GRIK4: variants seen among roughly 807,000 people sequenced by gnomAD.
GRIK4 encodes the protein glutamate ionotropic receptor kainate type subunit 4, also known as glutamate receptor ionotropic, kainate 4.
GRIK4 carries 40 observed loss-of-function variants against 104.9 expected under a neutral mutation model. That is an observed-to-expected ratio of 0.38 (90% CI 0.30 to 0.50). GRIK4 has a LOEUF of 0.50. Among genes scored for constraint, GRIK4 ranks in the 20% least tolerant of loss-of-function variants. GRIK4 has a pLI of 0.93. For missense variants in GRIK4, 1,047 were observed against 1,308.1 expected (o/e 0.80, Z 3.08); for synonymous variants, 485 against 524.9 (o/e 0.92, Z 1.04).
rs959987975 is a variant in GRIK4 at position 120,903,764 on chromosome 11, C to T, written c.1273-1526C>T. Among the ~76,000 whole-genome samples the T allele has an allele frequency of 1.3e-5, 2 of 152,170 alleles. No homozygotes were observed. The highest frequency in any genetic ancestry group is 6.5e-5 in the Admixed American group (1 of 15,280). On this transcript the variant is annotated intron_variant, in intron 12 of 20. Coordinates refer to ENST00000527524, the MANE Select transcript of GRIK4 (RefSeq NM_014619.5). The surrounding 1 kb of genome is among the most constrained non-coding windows in gnomAD (Gnocchi z 4.4). ...CCTCTCTGTGCCTGCCGCCTTGCCT[C>T]CCTTAGCTCCTAACCTGTCAAAATG...
At chr11:120,676,056 T>C (rs1950094421) in intron 3 of GRIK4, among the ~76,000 whole-genome samples, 1 of 152,188 alleles carries the variant, frequency 6.6e-6, no homozygotes, top group East Asian at 1.9e-4. Context: ...GATGGAATTA[T>C]TTCCTTGTGG....
chr11:120,637,053 G>A, intron 1 of GRIK4, among the ~76,000 whole-genome samples: 1 of 152,144 alleles, frequency 6.6e-6, no homozygotes, highest in Non-Finnish European at 1.5e-5. Context: ...CCCAGACGTA[G>A]GCATTTGATG....
chr11:120,759,048 G>C lies in GRIK4; in HGVS notation c.83-43645G>C, dbSNP rs1160504216. Among the ~76,000 whole-genome samples the C allele has an allele frequency of 2.0e-5, 3 of 152,214 alleles. No individual in the cohort carries two copies. In the South Asian group the frequency reaches 6.2e-4, roughly 32 times the overall value. ...GAGAGAGTCAAGGGTACTGTGGACA[G>C]GGATGGTGCATAGCACAGGGATATT... is the stretch of plus-strand genomic sequence containing the variant. On this transcript the variant is annotated intron_variant, in intron 3 of 20. Transcript: ENST00000527524.
At chr11:120,726,516 G>A (rs554732683) in intron 3 of GRIK4, among the ~76,000 whole-genome samples, 7 of 152,284 alleles carry the variant, frequency 4.6e-5, no homozygotes, top group East Asian at 3.9e-4. Flanking sequence ...CATTAATCAC[G>A]TCCATTGGCC....
At chr11:120,588,958 T>C (rs192983423) in intron 1 of GRIK4, among the ~76,000 whole-genome samples, 14 of 152,300 alleles carry the variant, frequency 9.2e-5, no homozygotes, top group Non-Finnish European at 1.8e-4. Flanking sequence ...GCCTTGGCTT[T>C]CAGGTCAAGA....
In GRIK4 at chr11:120,986,057, G is replaced by T; in HGVS notation, c.2668G>T (p.Gly890Trp). 1 of 1,521,772 alleles carries T rather than the reference G, an allele frequency of 6.6e-7. No homozygotes were observed. Among genetic ancestry groups the T allele is most frequent in the Non-Finnish European group, 8.8e-7 (1 of 1,137,642 alleles). 94.3% of individuals were successfully genotyped at this position (1,521,772 alleles called of 1,614,324 possible). Residue 890 changes from glycine to tryptophan, a missense_variant, in exon 21 of 21, where the codon GGG becomes TGG. Physicochemically the swap from Gly to Trp is radical, Grantham distance 184. Coordinates refer to ENST00000527524, the MANE Select transcript of GRIK4 (RefSeq NM_014619.5). Reference sequence around the variant, plus strand: ...GCGGGGCACGGCGACGCTCAGCAACGGGAAGCTGTGCGGGGCAGGGGAGCC... The same window carrying T: ...GCGGGGCACGGCGACGCTCAGCAACTGGAAGCTGTGCGGGGCAGGGGAGCC... The part of the protein sequence containing the change: ...RPRGTATLSN[G>W]KLCGAGEPDQ...
At chr11:120,568,844 G>T (rs1248860609) in intron 1 of GRIK4, among the ~76,000 whole-genome samples, 1 of 152,170 alleles carries the variant, frequency 6.6e-6, no homozygotes, top group Non-Finnish European at 1.5e-5. Flanking sequence ...GAGAGGAAAT[G>T]AGCAAAGCCC....
At chr11:120,909,580 G>C (rs770260345) in intron 13 of GRIK4, among the ~76,000 whole-genome samples, 1 of 152,188 alleles carries the variant, frequency 6.6e-6, no homozygotes, top group African/African-American at 2.4e-5. Flanking sequence ...TGAGGTGCCA[G>C]GGTATGTATG....
chr11:120,680,770 G>C (rs1197466129), intron 3 of GRIK4, among the ~76,000 whole-genome samples: 1 of 152,238 alleles, frequency 6.6e-6, no homozygotes, highest in Admixed American at 6.5e-5. Flanking sequence ...GCTGGATAGA[G>C]GCGAAGGGAG....
chr11:120,657,801 G>A (rs1261962960), intron 2 of GRIK4, among the ~76,000 whole-genome samples: 2 of 152,182 alleles, frequency 1.3e-5, no homozygotes, highest in Admixed American at 6.5e-5. Context: ...TGGGGGAGGC[G>A]GAGTGTCCCT....
chr11:120,588,408 C>A (rs764864760), intron 1 of GRIK4, among the ~76,000 whole-genome samples: 1 of 152,172 alleles, frequency 6.6e-6, no homozygotes, highest in Non-Finnish European at 1.5e-5. Flanking sequence ...ATAGAGGGAA[C>A]AATGCAGTGG....
At chr11:120,975,227 C>T (rs1159359986) in intron 19 of GRIK4, among the ~76,000 whole-genome samples, 1 of 152,124 alleles carries the variant, frequency 6.6e-6, no homozygotes, top group Non-Finnish European at 1.5e-5. Context: ...TGTGAGACAT[C>T]TTAGCAAGAG....
intron 1 of GRIK4, among the ~76,000 whole-genome samples, chr11:120,601,141 C>T (rs1426954980): frequency 6.6e-6 from 1 of 151,926 alleles, no homozygotes; most frequent in African/African-American, 2.4e-5. Flanking sequence ...TGTGGTGGCT[C>T]ACGTCTGTAA....
intron 3 of GRIK4, among the ~76,000 whole-genome samples, chr11:120,694,133 A>T (rs888800358): frequency 6.6e-6 from 1 of 152,198 alleles, no homozygotes; most frequent in Non-Finnish European, 1.5e-5. Flanking sequence ...AGACAGCTGG[A>T]TGCATAGGCC....
chr11:120,598,373 T>C (rs1948835652), intron 1 of GRIK4, among the ~76,000 whole-genome samples: 1 of 152,218 alleles, frequency 6.6e-6, no homozygotes, highest in South Asian at 2.1e-4. Flanking sequence ...GTGGTTTGAA[T>C]TCAACCTCCA....
chr11:120,596,055 C>T (rs1447917130), intron 1 of GRIK4, among the ~76,000 whole-genome samples: 1 of 152,154 alleles, frequency 6.6e-6, no homozygotes, highest in Non-Finnish European at 1.5e-5. Flanking sequence ...TCATGTTGGC[C>T]AGGCTGATCT....
chr11:120,824,307 T>C (rs921546910), intron 6 of GRIK4, among the ~76,000 whole-genome samples: 1 of 152,076 alleles, frequency 6.6e-6, no homozygotes, highest in African/African-American at 2.4e-5. Flanking sequence ...GCAGCCCAGG[T>C]GTGGTCCTCC....
At position 120,871,527 on chromosome 11, in the gene GRIK4, G is replaced by A. The variant is rs1003607747; in HGVS notation, c.907-2539G>A. 9 of 451,702 alleles carry A rather than the reference G, an allele frequency of 2.0e-5. 1 individual carries two copies. Among genetic ancestry groups the A allele is most frequent in the Non-Finnish European group, 4.0e-5 (9 of 224,398 alleles). The allele number at this position is 451,702 out of a possible 1,614,324, so 28.0% of individuals were successfully genotyped here. On this transcript the variant is annotated intron_variant, in intron 9 of 20. Coordinates refer to ENST00000527524, the MANE Select transcript of GRIK4 (RefSeq NM_014619.5). ...CATCCTAGCTCAGCAAGACTGCAGA[G>A]GTGTGCACTGTTCCCCATGGTGAGA...
At chr11:120,718,395 A>C (rs1950874522) in intron 3 of GRIK4, among the ~76,000 whole-genome samples, 1 of 152,294 alleles carries the variant, frequency 6.6e-6, no homozygotes. Context: ...GCCAGTTTCC[A>C]TTTTCCCTGA....
Sources: allele counts gnomAD v4.1 joint callset (sites outside exome capture counted in the v4.1 genomes callset), GRCh38; gene constraint gnomAD v4.1.1; non-coding constraint Gnocchi (gnomAD v3.1); transcripts MANE v1.5; gene names NCBI Gene and HGNC (gene_info 2026-07-23, HGNC 2026-07-21).